The following MAP6 variants were observed in gnomAD, a reference collection of about 807,000 sequenced individuals.
The protein encoded by MAP6 is microtubule-associated protein 6.
MAP6 carries 26 observed loss-of-function variants against 42.4 expected under a neutral mutation model. That is an observed-to-expected ratio of 0.61 (90% CI 0.45 to 0.85). The LOEUF (loss-of-function observed/expected upper bound fraction) is 0.85, where lower values mean the gene tolerates loss of function less well. Ranked by LOEUF, MAP6 falls within the 40% of genes least tolerant of loss-of-function variation. The pLI is 0.00. For synonymous variants in MAP6, 418 were observed against 443.8 expected (o/e 0.94, Z 0.73); for missense variants, 966 against 1,099.0 (o/e 0.88, Z 1.71).
chr11:75,665,493 A>G (rs1006859291), intron 1 of MAP6, among the ~76,000 whole-genome samples: 1 of 152,208 alleles, frequency 6.6e-6, no homozygotes, highest in African/African-American at 2.4e-5. Flanking sequence ...AGCTCCTGCT[A>G]GTGGGTAGTA....
At chr11:75,646,800 CA>C (rs1225098445) in intron 1 of MAP6, among the ~76,000 whole-genome samples, 5 of 150,812 alleles carry the variant, frequency 3.3e-5, no homozygotes, top group African/African-American at 1.2e-4. Flanking sequence ...AACTCCATCT[CA>C]AAAAAAAGAA....
chr11:75,603,592 G>A (rs1942704543), intron 3 of MAP6: 1 of 609,198 alleles, frequency 1.6e-6, no homozygotes, highest in African/African-American at 2.4e-5. Flanking sequence ...CTGGGGCAGT[G>A]AGTGGGGGCG....
chr11:75,605,655 C>T (rs1023729725), intron 3 of MAP6, 153 bp downstream of exon 3: 18 of 1,428,696 alleles, frequency 1.3e-5, no homozygotes, highest in African/African-American at 7.2e-5. Flanking sequence ...TCAAAAGAAG[C>T]CAAACCAAAG....
intron 1 of MAP6, among the ~76,000 whole-genome samples, chr11:75,626,956 A>T (rs1943208430): frequency 6.6e-6 from 1 of 152,252 alleles, no homozygotes; most frequent in South Asian, 2.1e-4. Context: ...CCCTGTAACC[A>T]CTGGCAGGAG....
intron 3 of MAP6, among the ~76,000 whole-genome samples, chr11:75,602,623 T>C (rs1392966613): frequency 2.0e-5 from 3 of 152,186 alleles, no homozygotes; most frequent in African/African-American, 7.2e-5. Context: ...TGGATCAAAA[T>C]GTTACACTAC....
At chr11:75,617,514 CAAAAAAAAAAAA>C (rs61477947) in intron 1 of MAP6, among the ~76,000 whole-genome samples, 18 of 28,156 alleles carry the variant, frequency 6.4e-4, no homozygotes, top group African/African-American at 1.2e-3. Context: ...AGACTGTCTC[CAAAAAAAAAAAA>C]AAAAAAAAAA....
chr11:75,598,601 G>A (rs900310379), intron 3 of MAP6, among the ~76,000 whole-genome samples: 1 of 152,262 alleles, frequency 6.6e-6, no homozygotes, highest in Non-Finnish European at 1.5e-5. Context: ...CATGGGAGCA[G>A]AGACAGTTAA....
chr11:75,608,053 C>T, intron 2 of MAP6, 56 bp downstream of exon 2: 5 of 1,542,452 alleles, frequency 3.2e-6, no homozygotes, highest in Non-Finnish European at 4.5e-6. Flanking sequence ...TGCTCTGCTG[C>T]AGTTAACCCT....
At chr11:75,591,328 T>C (rs1942473197) in intron 3 of MAP6, among the ~76,000 whole-genome samples, 1 of 152,236 alleles carries the variant, frequency 6.6e-6, no homozygotes, top group Non-Finnish European at 1.5e-5. Flanking sequence ...TTTTTGTTAC[T>C]TTTTATTAAG....
chr11:75,630,538 A>T (rs1035706789), intron 1 of MAP6, among the ~76,000 whole-genome samples: 2 of 152,248 alleles, frequency 1.3e-5, no homozygotes, highest in African/African-American at 4.8e-5. Context: ...TATCTGATAT[A>T]TCATAGAATA....
At chr11:75,603,743 C>T (rs658356) in intron 3 of MAP6, 541,605 of 984,334 alleles carry the variant, frequency 0.55, 149,737 homozygotes, top group East Asian at 0.59. Context: ...GCCCACCACG[C>T]CTAGCACAGT....
At chr11:75,646,742 G>A (rs1326951853) in intron 1 of MAP6, among the ~76,000 whole-genome samples, 2 of 152,020 alleles carry the variant, frequency 1.3e-5, no homozygotes, top group Non-Finnish European at 2.9e-5. Context: ...GGAGGTTGAG[G>A]TGAGCCGAGA....
chr11:75,645,950 G>C (rs1169715223), intron 1 of MAP6, among the ~76,000 whole-genome samples: 1 of 151,520 alleles, frequency 6.6e-6, no homozygotes, highest in Non-Finnish European at 1.5e-5. Context: ...AAGTTCTAGG[G>C]GAAAGAATAG....
At chr11:75,616,691 G>A (rs1385253941) in intron 1 of MAP6, among the ~76,000 whole-genome samples, 1 of 152,218 alleles carries the variant, frequency 6.6e-6, no homozygotes, top group Non-Finnish European at 1.5e-5. Context: ...GCTTTCTCCT[G>A]GCCAGAAATG....
intron 1 of MAP6, among the ~76,000 whole-genome samples, chr11:75,663,259 G>A (rs1943887778): frequency 1.3e-5 from 2 of 152,120 alleles, no homozygotes; most frequent in South Asian, 4.1e-4. Context: ...GATTACAGGC[G>A]TGAGCCACCG....
At chr11:75,638,368 G>A (rs1057294740) in intron 1 of MAP6, 3 of 152,174 alleles carry the variant, frequency 2.0e-5, no homozygotes, top group Non-Finnish European at 4.4e-5. Flanking sequence ...CTGAAACATG[G>A]TTGGTCACTA....
At chr11:75,638,453 GAAT>G (rs1943409746) in intron 1 of MAP6, 1 of 152,188 alleles carries the variant, frequency 6.6e-6, no homozygotes, top group African/African-American at 2.4e-5. Context: ...GGAGTAACAG[GAAT>G]AATGAGGCCT....
At chr11:75,653,284 G>C (rs1943680582) in intron 1 of MAP6, among the ~76,000 whole-genome samples, 1 of 152,184 alleles carries the variant, frequency 6.6e-6, no homozygotes, top group African/African-American at 2.4e-5. Flanking sequence ...GGACTTTCTT[G>C]TACATCCCTG....
chr11:75,634,010 G>A (rs1403023194), intron 1 of MAP6, among the ~76,000 whole-genome samples: 1 of 152,198 alleles, frequency 6.6e-6, no homozygotes, highest in Non-Finnish European at 1.5e-5. Context: ...AGCTGGGCAA[G>A]GAAGAAGCAG....
Sources: gnomAD v4.1 joint callset for allele counts (sites outside exome capture counted in the v4.1 genomes callset) on GRCh38, gnomAD v4.1.1 for gene constraint, MANE v1.5 for transcripts, NCBI Gene and HGNC (gene_info 2026-07-23, HGNC 2026-07-21) for gene names.